Variants in RBMS3 observed in about 807,000 individuals in gnomAD.
RBMS3 encodes RNA-binding motif, single-stranded-interacting protein 3.
RBMS3 carries 27 observed loss-of-function variants against 66.8 expected under a neutral mutation model. That is an observed-to-expected ratio of 0.40 (90% CI 0.30 to 0.56). The LOEUF (loss-of-function observed/expected upper bound fraction) is 0.56. Ranked by LOEUF, RBMS3 falls within the 20% of genes least tolerant of loss-of-function variation. RBMS3 has a pLI of 0.40. For missense variants in RBMS3, 513 were observed against 549.5 expected, an observed-to-expected ratio of 0.93 and a Z score of 0.66; for synonymous variants, 188 against 183.0, an observed-to-expected ratio of 1.03 and a Z score of -0.22.
chr3:29,755,882 G>A (rs2055390573), intron 5 of RBMS3, among the ~76,000 whole-genome samples: 1 of 152,134 alleles, frequency 6.6e-6, no homozygotes, highest in Non-Finnish European at 1.5e-5. Flanking sequence ...CATAGAGCAG[G>A]ACAGAGAGGA....
chr3:29,698,737 G>T, intron 4 of RBMS3: 7 of 442,960 alleles, frequency 1.6e-5, no homozygotes, highest in Non-Finnish European at 2.1e-5. Flanking sequence ...TTATTAAGGA[G>T]AGGACACTTT....
At chr3:29,316,141 A>G (rs2034662103) in intron 1 of RBMS3, among the ~76,000 whole-genome samples, 2 of 151,680 alleles carry the variant, frequency 1.3e-5, no homozygotes, top group African/African-American at 4.8e-5. Context: ...CCAGCCATAA[A>G]CAACTGGTAT....
intron 2 of RBMS3, among the ~76,000 whole-genome samples, chr3:29,443,796 G>A (rs1162500003): frequency 1.3e-5 from 2 of 152,088 alleles, no homozygotes; most frequent in Non-Finnish European, 2.9e-5. Flanking sequence ...GATGAATTTG[G>A]AATATATTTT....
chr3:29,385,938 G>T (rs2038989258), intron 1 of RBMS3, among the ~76,000 whole-genome samples: 1 of 151,448 alleles, frequency 6.6e-6, no homozygotes, highest in Non-Finnish European at 1.5e-5. Context: ...TTTTTTCTTT[G>T]TTGCTCATTT....
At chr3:29,643,557 C>G (rs968703473) in intron 4 of RBMS3, among the ~76,000 whole-genome samples, 2 of 152,126 alleles carry the variant, frequency 1.3e-5, no homozygotes, top group African/African-American at 4.8e-5. Context: ...AGGGTACATT[C>G]ACGGATCCAT....
At chr3:29,733,976 A>G (rs551049652) in intron 4 of RBMS3, among the ~76,000 whole-genome samples, 2 of 152,170 alleles carry the variant, frequency 1.3e-5, no homozygotes, top group South Asian at 2.1e-4. Flanking sequence ...GTATGTGGAT[A>G]TCCAGTTTTT....
At chr3:29,642,146 C>T (rs755056421) in intron 4 of RBMS3, among the ~76,000 whole-genome samples, 2 of 151,974 alleles carry the variant, frequency 1.3e-5, no homozygotes, top group African/African-American at 4.8e-5. Flanking sequence ...GGTTATAACC[C>T]GTAGATCTGC....
At chr3:29,386,638 C>T (rs1240025193) in intron 1 of RBMS3, among the ~76,000 whole-genome samples, 1 of 152,182 alleles carries the variant, frequency 6.6e-6, no homozygotes. Flanking sequence ...TGAATTATTT[C>T]TACCAGCATA....
intron 3 of RBMS3, among the ~76,000 whole-genome samples, chr3:29,586,041 C>T (rs1439383145): frequency 6.6e-6 from 1 of 152,056 alleles, no homozygotes; most frequent in Non-Finnish European, 1.5e-5. Context: ...CAGTACACCT[C>T]CTTAGTAGGT....
chr3:29,996,280 G>A (rs1426426307), intron 14 of RBMS3, among the ~76,000 whole-genome samples: 1 of 151,716 alleles, frequency 6.6e-6, no homozygotes, highest in African/African-American at 2.4e-5. Context: ...AGTCCTTAGT[G>A]ACCTACAAAG....
chr3:29,361,632 T>C (rs11713819), intron 1 of RBMS3, among the ~76,000 whole-genome samples: 16,664 of 152,218 alleles, frequency 0.11, 1,072 homozygotes, highest in East Asian at 0.22. Flanking sequence ...GGATAATATC[T>C]TGCAGAGTGT....
intron 1 of RBMS3, among the ~76,000 whole-genome samples, chr3:29,430,016 A>G (rs1351488128): frequency 2.0e-5 from 3 of 152,116 alleles, no homozygotes; most frequent in Non-Finnish European, 4.4e-5. Flanking sequence ...AACATACAAA[A>G]TCGCTTTTGC....
chr3:29,715,509 C>G (rs1269961087), intron 4 of RBMS3, among the ~76,000 whole-genome samples: 2 of 152,122 alleles, frequency 1.3e-5, no homozygotes, highest in East Asian at 3.9e-4. Context: ...AATATATCTA[C>G]TGTTAGTTCC....
intron 10 of RBMS3, among the ~76,000 whole-genome samples, chr3:29,905,362 T>A (rs1370255955): frequency 6.6e-6 from 1 of 152,078 alleles, no homozygotes; most frequent in Non-Finnish European, 1.5e-5. Flanking sequence ...TAGTAAATTT[T>A]GTTTAAAAAT....
chr3:29,446,758 A>G (rs1026209155), intron 2 of RBMS3, among the ~76,000 whole-genome samples: 1 of 152,182 alleles, frequency 6.6e-6, no homozygotes, highest in Non-Finnish European at 1.5e-5. Context: ...ACATGTGTCT[A>G]TCAGTGATAT....
intron 4 of RBMS3, among the ~76,000 whole-genome samples, chr3:29,630,951 C>G (rs1010574419): frequency 6.6e-6 from 1 of 151,864 alleles, no homozygotes; most frequent in Non-Finnish European, 1.5e-5. Flanking sequence ...GGTTTCAAAA[C>G]CATAACTTCA....
intron 4 of RBMS3, among the ~76,000 whole-genome samples, chr3:29,737,112 G>C (rs1236181327): frequency 6.6e-6 from 1 of 151,956 alleles, no homozygotes; most frequent in Non-Finnish European, 1.5e-5. Flanking sequence ...GAGTAGCTGG[G>C]ACTACAGGCG....
intron 5 of RBMS3, 25 bp from the exon 6 acceptor site, chr3:29,762,885 C>T (rs767117451): frequency 2.1e-6 from 3 of 1,462,344 alleles, no homozygotes; most frequent in Non-Finnish European, 1.9e-6. Flanking sequence ...CCATATATGA[C>T]CTCTGGTTTA....
At chr3:29,897,973 C>T (rs1010908598) in intron 9 of RBMS3, among the ~76,000 whole-genome samples, 6 of 151,594 alleles carry the variant, frequency 4.0e-5, no homozygotes, top group African/African-American at 7.3e-5. Context: ...AAAAGTTGTT[C>T]GTATTCCCTG....
Sources: gnomAD v4.1 joint callset for allele counts (sites outside exome capture counted in the v4.1 genomes callset) on GRCh38, gnomAD v4.1.1 for gene constraint, MANE v1.5 for transcripts, NCBI Gene and HGNC (gene_info 2026-07-23, HGNC 2026-07-21) for gene names.